Variants in TMEM114 observed in about 807,000 individuals in gnomAD.
TMEM114 encodes transmembrane protein 114.
TMEM114 carries 6 observed loss-of-function variants against 6.2 expected under a neutral mutation model. That is an observed-to-expected ratio of 0.97 (90% CI 0.53 to 1.91). The LOEUF is 1.91. Among genes scored for constraint, TMEM114 ranks in the 40% most tolerant of loss-of-function variants. The pLI, the probability that TMEM114 is intolerant of heterozygous loss-of-function variation, is 0.01. For missense variants in TMEM114, 218 were observed against 158.3 expected, an observed-to-expected ratio of 1.38 and a Z score of -2.02; for synonymous variants, 104 against 73.0, an observed-to-expected ratio of 1.42 and a Z score of -2.16.
downstream of TMEM114, chr16:8,569,437 A>G (rs1258328293): frequency 2.6e-5 from 30 of 1,134,740 alleles, no homozygotes; most frequent in Non-Finnish European, 3.1e-5. Flanking sequence ...TCCAAGGGAC[A>G]TGGGTGAGGA....
At chr16:8,559,193 C>G (rs1421363355) in intron 2 of TMEM114, among the ~76,000 whole-genome samples, 1 of 152,018 alleles carries the variant, frequency 6.6e-6, no homozygotes, top group Admixed American at 6.6e-5. Flanking sequence ...TACGCATGCG[C>G]CACTACGCCC....
intron 2 of TMEM114, among the ~76,000 whole-genome samples, chr16:8,588,515 C>G (rs1902384793): frequency 6.6e-6 from 1 of 152,146 alleles, no homozygotes; most frequent in Non-Finnish European, 1.5e-5. Flanking sequence ...ATGAATTGAA[C>G]TGTTAGGTTT....
chr16:8,565,073 G>T (rs542645225), downstream of TMEM114, among the ~76,000 whole-genome samples: 61 of 151,950 alleles, frequency 4.0e-4, no homozygotes, highest in African/African-American at 1.2e-3. Flanking sequence ...GAATGAGTGA[G>T]TGAGTGAATG....
downstream of TMEM114, among the ~76,000 whole-genome samples, chr16:8,565,249 A>G (rs1001048986): frequency 6.6e-6 from 1 of 152,204 alleles, no homozygotes; most frequent in Non-Finnish European, 1.5e-5. Context: ...TGGGACAGGT[A>G]TAAGCAAGTG....
chr16:8,552,908 G>C (rs1900890823), intron 2 of TMEM114, among the ~76,000 whole-genome samples: 1 of 152,036 alleles, frequency 6.6e-6, no homozygotes, highest in Non-Finnish European at 1.5e-5. Context: ...AGTCGTCTTT[G>C]ATCACTCACT....
downstream of TMEM114, among the ~76,000 whole-genome samples, chr16:8,533,590 C>G (rs1475031905): frequency 1.3e-5 from 2 of 152,146 alleles, no homozygotes; most frequent in Non-Finnish European, 2.9e-5. Context: ...TTTAAACAAC[C>G]AAGTGGATGC....
rs149685774 is a variant in TMEM114 at position 8,562,476 on chromosome 16, G to A, written n.213-24650C>T. ...AGTGAGTGAGGGAGGGAGGGAATGAGTGAGTGAATGAGTATGTGAATGAGT... is the reference window on the plus strand; with the variant it reads ...AGTGAGTGAGGGAGGGAGGGAATGAATGAGTGAATGAGTATGTGAATGAGT... On this transcript the variant is annotated intron_variant and non_coding_transcript_variant, in intron 2 of 2. Transcript: ENST00000623677. Among the ~76,000 whole-genome samples the A allele has an allele frequency of 1.2e-3, 183 of 150,882 alleles. 3 individuals carry two copies. Among genetic ancestry groups the A allele is most frequent in the African/African-American group, 4.3e-3 (177 of 40,704 alleles).
intron 2 of TMEM114, among the ~76,000 whole-genome samples, chr16:8,577,400 G>C (rs1311020299): frequency 1.3e-5 from 2 of 152,148 alleles, no homozygotes; most frequent in African/African-American, 4.8e-5. Context: ...TCTTGGGAGA[G>C]AAGGATCTTG....
intron 2 of TMEM114, among the ~76,000 whole-genome samples, chr16:8,546,409 G>A (rs190952671): frequency 2.7e-3 from 414 of 152,222 alleles, no homozygotes; most frequent in Non-Finnish European, 4.3e-3. Flanking sequence ...TGAATGTACC[G>A]ACAGTAGCCA....
chr16:8,565,982 A>G (rs13329953), downstream of TMEM114, among the ~76,000 whole-genome samples: 100,585 of 152,120 alleles, frequency 0.66, 33,392 homozygotes, highest in East Asian at 0.75. Context: ...AGAGGAGAGG[A>G]CAAGACAGAA....
At chr16:8,571,950 C>A in intron 3 of TMEM114, 137 bp downstream of exon 3, 1 of 1,142,760 alleles carries the variant, frequency 8.8e-7, no homozygotes, top group Non-Finnish European at 1.2e-6. Flanking sequence ...CTCATCTCTT[C>A]CAACTGATAT....
chr16:8,556,935 C>T (rs1901031507), intron 2 of TMEM114, among the ~76,000 whole-genome samples: 1 of 152,216 alleles, frequency 6.6e-6, no homozygotes, highest in South Asian at 2.1e-4. Context: ...GCTGACCGCT[C>T]CAGCCTCTGT....
chr16:8,541,348 T>C (rs936893630), intron 2 of TMEM114, among the ~76,000 whole-genome samples: 1 of 152,148 alleles, frequency 6.6e-6, no homozygotes, highest in African/African-American at 2.4e-5. Context: ...CAGGGTTACA[T>C]TATTAATAAT....
intron 2 of TMEM114, among the ~76,000 whole-genome samples, chr16:8,546,539 G>A (rs73505740): frequency 0.013 from 1,924 of 152,266 alleles, 42 homozygotes; most frequent in African/African-American, 0.044. Context: ...TAGAAAGTCC[G>A]GCCACTATCT....
intron 2 of TMEM114, among the ~76,000 whole-genome samples, chr16:8,557,377 C>A (rs1901048353): frequency 6.6e-6 from 1 of 152,140 alleles, no homozygotes; most frequent in African/African-American, 2.4e-5. Flanking sequence ...ATGGGGAGAG[C>A]CATATGGAAA....
the TMEM114 span, among the ~76,000 whole-genome samples, chr16:8,531,502 G>A: frequency 6.6e-6 from 1 of 152,190 alleles, no homozygotes; most frequent in Admixed American, 6.5e-5. Context: ...TTTTCTTCAA[G>A]GAGTGGGCAC....
At chr16:8,552,136 A>G (rs1303517594) in intron 2 of TMEM114, among the ~76,000 whole-genome samples, 1 of 151,918 alleles carries the variant, frequency 6.6e-6, no homozygotes, top group African/African-American at 2.4e-5. Flanking sequence ...GCACTTTGGG[A>G]GGCTGAAGCA....
At chr16:8,555,109 G>A (rs113578017) in intron 2 of TMEM114, among the ~76,000 whole-genome samples, 2 of 151,944 alleles carry the variant, frequency 1.3e-5, no homozygotes, top group Non-Finnish European at 2.9e-5. Context: ...CTCTGGTTTT[G>A]CCCATGTGAG....
chr16:8,579,308 G>C (rs1227161674), intron 2 of TMEM114, among the ~76,000 whole-genome samples: 1 of 152,188 alleles, frequency 6.6e-6, no homozygotes, highest in Non-Finnish European at 1.5e-5. Flanking sequence ...TCTGGCAAAA[G>C]AAGAAGGTCC....
Sources: gnomAD v4.1 joint callset for allele counts (sites outside exome capture counted in the v4.1 genomes callset) on GRCh38, gnomAD v4.1.1 for gene constraint, MANE v1.5 for transcripts, NCBI Gene and HGNC (gene_info 2026-07-23, HGNC 2026-07-21) for gene names.